The following JAZF1 variants were observed in gnomAD, a reference collection of about 807,000 sequenced individuals.
The protein encoded by JAZF1 is JAZF zinc finger 1.
In JAZF1, 8 loss-of-function variants were observed where a neutral mutation model predicts 26.4. The ratio of observed to expected loss-of-function variants is 0.30; its 90% CI spans 0.18 to 0.55. JAZF1 has a LOEUF of 0.55. Among genes scored for constraint, JAZF1 ranks in the 20% least tolerant of loss-of-function variants. The probability of loss-of-function intolerance (pLI) is 0.94; values close to 1 mark genes in which losing one functional copy is unlikely to be tolerated. For missense variants in JAZF1, 199 were observed against 322.0 expected (o/e 0.62, Z 2.92); for synonymous variants, 126 against 122.3 (o/e 1.03, Z -0.20).
intron 3 of JAZF1, among the ~76,000 whole-genome samples, chr7:27,868,329 C>T (rs1006743448): frequency 3.3e-5 from 5 of 152,236 alleles, no homozygotes; most frequent in African/African-American, 4.8e-5. Context: ...ACTCACATGG[C>T]CCATGCCTGC....
chr7:28,119,130 C>T (rs1784797137), intron 1 of JAZF1, among the ~76,000 whole-genome samples: 1 of 152,116 alleles, frequency 6.6e-6, no homozygotes. Context: ...CAGGCAGCCC[C>T]CGGTCTCCCT....
intron 1 of JAZF1, among the ~76,000 whole-genome samples, chr7:28,101,667 C>T (rs752012203): frequency 6.6e-6 from 1 of 151,646 alleles, no homozygotes; most frequent in Non-Finnish European, 1.5e-5. Flanking sequence ...TTGCTTGAGC[C>T]CAGGAGGTTG....
At chr7:28,000,568 T>C (rs184008494) in intron 1 of JAZF1, among the ~76,000 whole-genome samples, 2 of 151,860 alleles carry the variant, frequency 1.3e-5, no homozygotes, top group Non-Finnish European at 2.9e-5. Context: ...ACAGAGGCTG[T>C]TTGGACCTAG....
In JAZF1 at chr7:27,939,521, T is replaced by TG. The variant is rs1406492168; in HGVS notation, c.189-44106dup. On this transcript the variant is annotated intron_variant, in intron 2 of 4. Coordinates refer to ENST00000283928, the MANE Select transcript of JAZF1 (RefSeq NM_175061.4). ...GAGAAGGGGATGAGCTGTGTGTCCCTGGGGTGAGATGGCCCCTGTGCCCTG... is the reference window on the plus strand; with the variant it reads ...GAGAAGGGGATGAGCTGTGTGTCCCTGGGGGTGAGATGGCCCCTGTGCCCTG... 1.4e-4 allele frequency among the ~76,000 whole-genome samples: 22 copies of TG among 152,308 alleles called. No homozygotes were observed. The East Asian group carries it at 4.1e-3, about 28-fold the overall frequency.
rs75819195 is a variant in JAZF1, at chr7:28,159,916, C to T, written c.115+20547G>A. On this transcript the variant is annotated intron_variant, in intron 1 of 4. Transcript: ENST00000283928. Reference sequence around the variant, plus strand: ...CCCCTTATAAGCGAAACCATAATTACGAAATAAAGTGCTTTGAATTAAAAA... The same window carrying T: ...CCCCTTATAAGCGAAACCATAATTATGAAATAAAGTGCTTTGAATTAAAAA... Among the ~76,000 whole-genome samples, 741 of 152,132 alleles carry T rather than the reference C, an allele frequency of 4.9e-3. 6 individuals are homozygous for T. The highest frequency in any genetic ancestry group is 0.017 in the African/African-American group (707 of 41,480).
At chr7:28,010,675 T>C (rs1408610626) in intron 1 of JAZF1, among the ~76,000 whole-genome samples, 1 of 152,192 alleles carries the variant, frequency 6.6e-6, no homozygotes, top group African/African-American at 2.4e-5. Context: ...AAAAGATAGA[T>C]TACATTTTAA....
rs1484371889 is a variant in JAZF1 at position 27,832,017 on chromosome 7, G to A, written c.*783C>T. 4.6e-6 allele frequency: 1 copy of A among 216,882 alleles called. No homozygotes were observed. The highest frequency in any genetic ancestry group is 2.3e-5 in the African/African-American group (1 of 44,428). 13.4% of individuals were successfully genotyped at this position (216,882 alleles called of 1,614,324 possible). On this transcript the variant is annotated 3_prime_UTR_variant, in exon 5 of 5. Transcript: ENST00000283928. ...CACTAAATGGGTATCTTGGTCCGCA[G>A]ATATCAATAGGCATAAATTGAATCC... is the stretch of plus-strand genomic sequence containing the variant.
intron 3 of JAZF1, among the ~76,000 whole-genome samples, chr7:27,884,979 C>T (rs1783833870): frequency 6.6e-6 from 1 of 152,136 alleles, no homozygotes. Context: ...GCTCCCCTCT[C>T]CCCTCAGAGC....
intron 2 of JAZF1, among the ~76,000 whole-genome samples, chr7:27,959,767 G>A (rs955146010): frequency 2.0e-5 from 3 of 152,134 alleles, no homozygotes; most frequent in Non-Finnish European, 4.4e-5. Context: ...GGGCATGTTG[G>A]TGGGTGCCTG....
At chr7:28,142,635 G>A (rs529986563) in intron 1 of JAZF1, among the ~76,000 whole-genome samples, 1 of 152,272 alleles carries the variant, frequency 6.6e-6, no homozygotes, top group East Asian at 1.9e-4. Context: ...AGTATAGGAG[G>A]CCTTGCTGTT....
chr7:27,926,017 T>C (rs540528148), intron 2 of JAZF1, among the ~76,000 whole-genome samples: 4 of 152,318 alleles, frequency 2.6e-5, no homozygotes, highest in Non-Finnish European at 5.9e-5. Flanking sequence ...TCTGCATGAA[T>C]GATAAGGGAG....
At chr7:27,981,283 T>C (rs1019971459) in intron 2 of JAZF1, among the ~76,000 whole-genome samples, 3 of 152,136 alleles carry the variant, frequency 2.0e-5, no homozygotes, top group Admixed American at 1.3e-4. Flanking sequence ...GAGGAACCCA[T>C]CAAATGACAT....
intron 4 of JAZF1, among the ~76,000 whole-genome samples, chr7:27,839,848 T>C (rs988243782): frequency 2.0e-5 from 3 of 152,138 alleles, no homozygotes; most frequent in African/African-American, 7.2e-5. Flanking sequence ...CTTTAAAAAA[T>C]AGTCAATCTG....
chr7:28,163,238 C>T (rs1480745515), intron 1 of JAZF1, among the ~76,000 whole-genome samples: 2 of 152,168 alleles, frequency 1.3e-5, no homozygotes, highest in African/African-American at 4.8e-5. Context: ...CCCAAGGTCA[C>T]ACAGCAGTCC....
chr7:28,176,693 G>A (rs1783556583), intron 1 of JAZF1, among the ~76,000 whole-genome samples: 1 of 152,118 alleles, frequency 6.6e-6, no homozygotes, highest in Non-Finnish European at 1.5e-5. Flanking sequence ...GCATAAACTA[G>A]GGACTCAATA....
At chr7:27,866,966 G>T (rs1204831864) in intron 3 of JAZF1, among the ~76,000 whole-genome samples, 2 of 152,190 alleles carry the variant, frequency 1.3e-5, no homozygotes, top group African/African-American at 2.4e-5. Flanking sequence ...AGACACTAAG[G>T]GAGTGCCTCA....
intron 1 of JAZF1, among the ~76,000 whole-genome samples, chr7:28,137,014 T>C (rs1020274632): frequency 1.3e-5 from 2 of 152,184 alleles, no homozygotes; most frequent in African/African-American, 4.8e-5. Flanking sequence ...CCTGTGCAAG[T>C]GCACTTTCCT....
At chr7:28,000,621 T>A in intron 1 of JAZF1, among the ~76,000 whole-genome samples, 1 of 105,606 alleles carries the variant, frequency 9.5e-6, no homozygotes. Flanking sequence ...TTTCTTTCTT[T>A]CTTTTTTTTT....
At chr7:28,006,054 T>C (rs1782694818) in intron 1 of JAZF1, among the ~76,000 whole-genome samples, 1 of 152,124 alleles carries the variant, frequency 6.6e-6, no homozygotes, top group Non-Finnish European at 1.5e-5. Flanking sequence ...AGATAAGCCA[T>C]AGACAGCACA....
Sources: allele counts gnomAD v4.1 joint callset (sites outside exome capture counted in the v4.1 genomes callset), GRCh38; gene constraint gnomAD v4.1.1; transcripts MANE v1.5; gene names NCBI Gene and HGNC (gene_info 2026-07-23, HGNC 2026-07-21).